The following MPPE1 variants were observed in gnomAD, a reference collection of about 807,000 sequenced individuals.
MPPE1 encodes metallo phosphoesterase.
Under a neutral mutation model 43.8 loss-of-function variants are expected in MPPE1, and 28 were observed. The observed-to-expected ratio is 0.64, with a 90% CI of 0.47 to 0.88. The LOEUF (loss-of-function observed/expected upper bound fraction) is 0.88. Among genes scored for constraint, MPPE1 ranks in the 40% least tolerant of loss-of-function variants. The probability of loss-of-function intolerance (pLI) is 0.00; values close to 1 mark genes in which losing one functional copy is unlikely to be tolerated. For synonymous variants in MPPE1, 159 were observed against 188.5 expected (o/e 0.84, Z 1.28); for missense variants, 428 against 492.2 (o/e 0.87, Z 1.23).
At position 11,886,338 on chromosome 18, in the gene MPPE1, T is replaced by C. The variant is rs558664713; in HGVS notation, c.867+161A>G. 275 of 923,110 alleles carry C rather than the reference T, an allele frequency of 3.0e-4. No individual in the cohort carries two copies. In the African/African-American group the frequency reaches 3.7e-3, roughly 12 times the overall value. The allele number at this position is 923,110 out of a possible 1,614,324, so 57.2% of individuals were successfully genotyped here. On this transcript the variant is annotated intron_variant, in intron 9 of 10. Transcript: ENST00000588072. The surrounding 1 kb of genome is among the most constrained non-coding windows in gnomAD (Gnocchi z 4.1). The stretch of plus-strand genomic sequence containing the variant: ...AAAGCGATTAAATGAAAATCTGAGA[T>C]ACTGTGAAAGCCAGGCCTCCACCCC...
chr18:11,891,995 G>GCGTCT lies in MPPE1; in HGVS notation c.390+1472_390+1473insAGACG, dbSNP rs2038045691. Among the ~76,000 whole-genome samples the GCGTCT allele has an allele frequency of 2.6e-5, 4 of 151,524 alleles. No individual in the cohort carries two copies. In the South Asian group the frequency reaches 8.3e-4, roughly 32 times the overall value. Reference sequence around the variant, plus strand: ...GATTTTTGTATTTTTTGTAGAAACAGCACTAAGTTGCCCAGGCTGGTTTTG... The same window carrying GCGTCT: ...GATTTTTGTATTTTTTGTAGAAACAGCGTCTCACTAAGTTGCCCAGGCTGGTTTTG... On this transcript the variant is annotated intron_variant, in intron 4 of 10. Transcript: ENST00000588072.
At chr18:11,890,667 C>G (rs1238724739) in intron 4 of MPPE1, among the ~76,000 whole-genome samples, 1 of 152,098 alleles carries the variant, frequency 6.6e-6, no homozygotes, top group African/African-American at 2.4e-5. Context: ...CTGGCAATCC[C>G]AAAAAATATT....
intron 2 of MPPE1, among the ~76,000 whole-genome samples, chr18:11,904,705 G>T (rs1348304881): frequency 6.6e-6 from 1 of 152,168 alleles, no homozygotes; most frequent in African/African-American, 2.4e-5. Flanking sequence ...GGAGACAAAG[G>T]CAGGTGGACC....
At chr18:11,894,187 G>A in intron 3 of MPPE1, among the ~76,000 whole-genome samples, 1 of 152,206 alleles carries the variant, frequency 6.6e-6, no homozygotes, top group African/African-American at 2.4e-5. Flanking sequence ...CCAGCACTTT[G>A]GGAGGCCGAG....
At position 11,886,650 on chromosome 18, in the gene MPPE1, C is replaced by T. The variant is rs1266501024; in HGVS notation, c.745-29G>A. 6.8e-6 allele frequency: 11 copies of T among 1,614,096 alleles called. No individual in the cohort carries two copies. The highest frequency in any genetic ancestry group is 1.1e-5 in the South Asian group (1 of 91,082). Reference sequence around the variant, plus strand: ...TCCGGGGTGGAGAGAGGAGTTCAGGCGGCTATCGTGAAACCACAGGCTGCC... The same window carrying T: ...TCCGGGGTGGAGAGAGGAGTTCAGGTGGCTATCGTGAAACCACAGGCTGCC... On this transcript the variant is annotated intron_variant, in intron 8 of 10. Transcript: ENST00000588072. This position sits in a 1 kb window ranked among gnomAD's most constrained non-coding sequence, Gnocchi z 4.1.
In MPPE1 at chr18:11,882,684, C is replaced by CAAAAA. The variant is rs5823181; in HGVS notation, c.*1756_*1760dup. On this transcript the variant is annotated 3_prime_UTR_variant, in exon 11 of 11. Coordinates refer to ENST00000588072, the MANE Select transcript of MPPE1 (RefSeq NM_023075.6). The stretch of plus-strand genomic sequence containing the variant: ...CTGGACATCAAAGTGAGACTCAGGC[C>CAAAAA]AAAAAAAAAAAAAAAAAAAACCTTG... 1 of 87,986 alleles carries CAAAAA rather than the reference C, an allele frequency of 1.1e-5. No homozygotes were observed. Among genetic ancestry groups the CAAAAA allele is most frequent in the South Asian group, 3.7e-4 (1 of 2,722 alleles). 5.5% of individuals were successfully genotyped at this position (87,986 alleles called of 1,614,324 possible).
At chr18:11,889,574 C>T in intron 4 of MPPE1, 84 bp from the exon 5 acceptor site, 1 of 1,080,080 alleles carries the variant, frequency 9.3e-7, no homozygotes, top group Non-Finnish European at 1.3e-6. Context: ...TTTTGTTTTG[C>T]TTTTTTTTGA....
chr18:11,898,460 G>A (rs1015998768), intron 2 of MPPE1, among the ~76,000 whole-genome samples: 1 of 152,130 alleles, frequency 6.6e-6, no homozygotes, highest in Non-Finnish European at 1.5e-5. Context: ...CTAATGAAAG[G>A]TATCGAGATT....
intron 10 of MPPE1, chr18:11,885,353 G>A (rs778395846): frequency 9.5e-6 from 3 of 317,346 alleles, no homozygotes; most frequent in Non-Finnish European, 1.8e-5. Flanking sequence ...GCTGAGTATA[G>A]CTAATGAATA....
At chr18:11,895,919 A>G (rs2038543743) in intron 3 of MPPE1, among the ~76,000 whole-genome samples, 1 of 151,816 alleles carries the variant, frequency 6.6e-6, no homozygotes, top group Non-Finnish European at 1.5e-5. Flanking sequence ...ATCTAGAAAC[A>G]GCAGCAGGAA....
chr18:11,894,094 G>A (rs2038302093), intron 3 of MPPE1, among the ~76,000 whole-genome samples: 1 of 152,140 alleles, frequency 6.6e-6, no homozygotes, highest in Admixed American at 6.6e-5. Flanking sequence ...GGAGATTTCA[G>A]ACATGCGAGT....
Position 11,893,468 on chromosome 18 carries a change from C to T in MPPE1, c.390G>A (p.Glu130=). 6.2e-7 allele frequency: 1 copy of T among 1,609,992 alleles called. No homozygotes were observed. Among genetic ancestry groups the T allele is most frequent in the South Asian group, 1.1e-5 (1 of 90,968 alleles). ...GGGCACCTGGAACACAGAGTCCTAC[C>T]TCAGGGGTGCTCCACTTCCCTTCAT... The part of the protein sequence containing the change: ...IFDEGKWSTP[E]AWADDVERFQ... The change falls in exon 4 of 11, where the codon GAG becomes GAA. Residue 130 remains glutamate, a splice_region_variant and synonymous_variant. Transcript: ENST00000588072.
At chr18:11,900,164 T>C (rs1343808147) in intron 2 of MPPE1, among the ~76,000 whole-genome samples, 2 of 152,094 alleles carry the variant, frequency 1.3e-5, no homozygotes, top group Non-Finnish European at 2.9e-5. Context: ...CTGGCCAACC[T>C]GGCAAAACCC....
intron 4 of MPPE1, among the ~76,000 whole-genome samples, chr18:11,890,236 T>C (rs546862335): frequency 7.9e-5 from 12 of 152,198 alleles, no homozygotes; most frequent in African/African-American, 2.6e-4. Context: ...GCCACCACAC[T>C]TGGCCATAAT....
Position 11,886,610 on chromosome 18 carries a change from C to G in MPPE1, c.756G>C (p.Leu252=), listed in dbSNP as rs528104626. 6.2e-7 allele frequency: 1 copy of G among 1,614,180 alleles called. No individual in the cohort carries two copies. Among genetic ancestry groups the G allele is most frequent in the African/African-American group, 1.3e-5 (1 of 75,058 alleles). ...SAPVLLQHYP[L]YRRSDANCSG... is the part of the protein sequence containing the mutation. Reference sequence around the variant, plus strand: ...AACAGTTAGCATCACTTCTCCGATACAGAGGATAATGCTGTCCGGGGTGGA... The same window carrying G: ...AACAGTTAGCATCACTTCTCCGATAGAGAGGATAATGCTGTCCGGGGTGGA... The change falls in exon 9 of 11, where the codon CTG becomes CTC. Residue 252 remains leucine (L), a synonymous_variant. Coordinates refer to ENST00000588072, the MANE Select transcript of MPPE1 (RefSeq NM_023075.6). The surrounding 1 kb of genome is among the most constrained non-coding windows in gnomAD (Gnocchi z 4.1).
intron 2 of MPPE1, among the ~76,000 whole-genome samples, chr18:11,900,909 TAAAAAAAAA>T: frequency 7.9e-6 from 1 of 126,230 alleles, no homozygotes; most frequent in East Asian, 2.2e-4. Context: ...TCCGTCTCAT[TAAAAAAAAA>T]AAAAAAGTAA....
chr18:11,885,727 G>A lies in MPPE1; in HGVS notation c.957C>T (p.Leu319=). 1 of 1,614,066 alleles carries A rather than the reference G, an allele frequency of 6.2e-7. No individual in the cohort carries two copies. The highest frequency in any genetic ancestry group is 8.5e-7 in the Non-Finnish European group (1 of 1,179,922). ...TCCTCCAACTGAAAGATGGGACGCT[G>A]AGCTCGGGGACTCGGCCCCCGTGGT... ...EVHHGGRVPE[L]SVPSFSWRNR... The change falls in exon 10 of 11, where the codon CTC becomes CTT. Residue 319 remains leucine (L), a synonymous_variant. Coordinates refer to ENST00000588072, the MANE Select transcript of MPPE1 (RefSeq NM_023075.6).
chr18:11,894,910 T>G (rs997508268), intron 3 of MPPE1, among the ~76,000 whole-genome samples: 9 of 152,178 alleles, frequency 5.9e-5, no homozygotes, highest in Non-Finnish European at 7.3e-5. Flanking sequence ...ATGGGGATTT[T>G]AAACCCTACT....
At chr18:11,897,611 C>A (rs2038735490) in intron 2 of MPPE1, 1 of 186,630 alleles carries the variant, frequency 5.4e-6, no homozygotes, top group Non-Finnish European at 1.1e-5. Context: ...GATAAAGTTT[C>A]ATTAATATTC....
Sources: allele counts gnomAD v4.1 joint callset (sites outside exome capture counted in the v4.1 genomes callset), GRCh38; gene constraint gnomAD v4.1.1; non-coding constraint Gnocchi (gnomAD v3.1); transcripts MANE v1.5; gene names NCBI Gene and HGNC (gene_info 2026-07-23, HGNC 2026-07-21).